TCHP: variants seen among roughly 807,000 people sequenced by gnomAD.
The protein encoded by TCHP is trichoplein keratin filament binding.
A neutral mutation model predicts 88.7 loss-of-function variants in TCHP; 81 were observed. The observed-to-expected ratio is 0.91, with a 90% CI of 0.76 to 1.10. The LOEUF is 1.10. Ranked by LOEUF, TCHP falls within the 50% of genes least tolerant of loss-of-function variation. TCHP has a pLI of 0.00. For missense variants in TCHP, 641 were observed against 632.1 expected, an observed-to-expected ratio of 1.01 and a Z score of -0.15; for synonymous variants, 232 against 232.5, an observed-to-expected ratio of 1.00 and a Z score of 0.02.
chr12:109,907,566 A>G lies in TCHP; in HGVS notation c.566A>G (p.Asn189Ser). 2 of 1,614,256 alleles carry G rather than the reference A, an allele frequency of 1.2e-6. No homozygotes were observed. The highest frequency in any genetic ancestry group is 8.5e-7 in the Non-Finnish European group (1 of 1,180,050). ...GAGCAAGAGAACAAACGGTATGAAA[A>G]TGAATATGAAAGGGCCCGAAGGGAG... ...TAEQENKRYE[N>S]EYERARREAL... The change falls in exon 6 of 13, where the codon AAT becomes AGT. Residue 189 changes from asparagine (N) to serine (S), a missense_variant. Coordinates refer to ENST00000405876, the MANE Select transcript of TCHP (RefSeq NM_001143852.2).
the TCHP span, among the ~76,000 whole-genome samples, chr12:109,895,079 T>A: frequency 6.6e-6 from 1 of 152,202 alleles, no homozygotes; most frequent in Non-Finnish European, 1.5e-5. Flanking sequence ...AAGGGTTGAC[T>A]GAGACCTGCT....
At chr12:109,908,060 G>A (rs1870248345) in intron 6 of TCHP, among the ~76,000 whole-genome samples, 1 of 152,212 alleles carries the variant, frequency 6.6e-6, no homozygotes, top group African/African-American at 2.4e-5. Context: ...CAGGTTTCGG[G>A]TCTCGAGGCA....
rs765673318 is a variant in TCHP at position 109,906,559 on chromosome 12, C to CT, written c.457-11dup. The CT allele has an allele frequency of 6.2e-7, 1 of 1,612,132 alleles. No individual in the cohort carries two copies. On this transcript the variant is annotated splice_polypyrimidine_tract_variant and intron_variant, in intron 4 of 12. Transcript: ENST00000405876. ...TGGTGAGGAAATTCACATCGTCCCCCTTCCATCCTCAGATGGAGCTGGACC... is the reference window on the plus strand; with the variant it reads ...TGGTGAGGAAATTCACATCGTCCCCCTTTCCATCCTCAGATGGAGCTGGACC...
intron 11 of TCHP, 55 bp from the exon 12 acceptor site, chr12:109,915,348 G>A (rs1260724053): frequency 3.1e-6 from 5 of 1,613,264 alleles, no homozygotes; most frequent in Non-Finnish European, 4.2e-6. Context: ...ATCAGAGGCA[G>A]GGCTCTGCCC....
the TCHP span, among the ~76,000 whole-genome samples, chr12:109,880,954 A>G: frequency 6.6e-6 from 1 of 152,146 alleles, no homozygotes; most frequent in African/African-American, 2.4e-5. This position sits in a 1 kb window ranked among gnomAD's most constrained non-coding sequence, Gnocchi z 5.1. Flanking sequence ...CTCTTTCGCT[A>G]CAACCGACGA....
In TCHP at chr12:109,911,235, G is replaced by A. The variant is rs1458679175; in HGVS notation, c.1052G>A (p.Arg351Lys). Residue 351 changes from arginine (R) to lysine (K), a missense_variant and splice_region_variant, in exon 9 of 13, where the codon AGG becomes AAG. Arg to Lys is a conservative substitution (Grantham distance 26). Coordinates refer to ENST00000405876, the MANE Select transcript of TCHP (RefSeq NM_001143852.2). Reference sequence around the variant, plus strand: ...GAGGCAGAGCTGCAGATGCTGCTGAGGTGAGTGGCAGCTGCTGACTGGGCT... The same window carrying A: ...GAGGCAGAGCTGCAGATGCTGCTGAAGTGAGTGGCAGCTGCTGACTGGGCT... ...AREAELQMLL[R>K]EEAKEMWEKR... The A allele has an allele frequency of 2.0e-6, 3 of 1,514,298 alleles. No individual in the cohort carries two copies. Among genetic ancestry groups the A allele is most frequent in the Non-Finnish European group, 1.8e-6 (2 of 1,114,892 alleles). 93.8% of individuals were successfully genotyped at this position (1,514,298 alleles called of 1,614,324 possible). A position where few individuals can be genotyped will look rare whatever the true frequency, so the allele number is the denominator to read the frequency against.
rs777107314 is a variant in TCHP at position 109,903,037 on chromosome 12, C to T, written c.11C>T (p.Pro4Leu). Residue 4 changes from proline (P) to leucine (L), a missense_variant, in exon 2 of 13, where the codon CCG becomes CTG. By Grantham distance (98) the Pro-to-Leu change is moderately conservative. Coordinates refer to ENST00000405876, the MANE Select transcript of TCHP (RefSeq NM_001143852.2). This position sits in a 1 kb window ranked among gnomAD's most constrained non-coding sequence, Gnocchi z 4.6. MAL[P>L]TLPSYWCSQQ... ...CATTCCTGTTCTCAGATGGCGCTCC[C>T]GACGCTGCCGTCCTACTGGTGCAGC... The T allele has an allele frequency of 2.4e-5, 39 of 1,598,452 alleles. 1 individual carries two copies. In the South Asian group the frequency reaches 2.8e-4, roughly 11 times the overall value.
At position 109,903,996 on chromosome 12, in the gene TCHP, G is replaced by A. The variant is rs1214656853; in HGVS notation, c.248G>A (p.Arg83Gln). 10 of 1,611,176 alleles carry A rather than the reference G, an allele frequency of 6.2e-6. No homozygotes were observed. The highest frequency in any genetic ancestry group is 2.2e-5 in the South Asian group (2 of 90,290). Residue 83 changes from arginine (R) to glutamine (Q), a missense_variant, in exon 3 of 13, where the codon CGA (arginine) becomes CAA (glutamine). Physicochemically the swap from Arg to Gln is conservative, Grantham distance 43. Transcript: ENST00000405876. The surrounding 1 kb of genome is among the most constrained non-coding windows in gnomAD (Gnocchi z 4.6). ...KEEKRRSLEA[R>Q]REKLRQLMQE... ...GAGAAGAGGAGGAGTCTGGAGGCCC[G>A]ACGGGAAAAGCTCAGGCAGCTCATG...
chr12:109,894,957 C>T, the TCHP span, among the ~76,000 whole-genome samples: 1 of 150,912 alleles, frequency 6.6e-6, no homozygotes, highest in Non-Finnish European at 1.5e-5. Context: ...GGGGGTGAGT[C>T]GAGTAGTTTG....
chr12:109,911,188 G>C lies in TCHP; in HGVS notation c.1005G>C (p.Gln335His). Residue 335 changes from glutamine to histidine, a missense_variant, in exon 9 of 13, where the codon CAG becomes CAC. By Grantham distance (24) the Gln-to-His change is conservative. Transcript: ENST00000405876. ...GGATGAAGCAGGCCATTGAGGAGCA[G>C]CTGCAGCTGGAGCGGGCGCGGGAGG... is the stretch of plus-strand genomic sequence containing the variant. ...VAWMKQAIEE[Q>H]LQLERAREAE... 1 of 1,590,498 alleles carries C rather than the reference G, an allele frequency of 6.3e-7. No individual in the cohort carries two copies.
At chr12:109,894,055 G>A in the TCHP span, among the ~76,000 whole-genome samples, 1 of 152,036 alleles carries the variant, frequency 6.6e-6, no homozygotes, top group East Asian at 1.9e-4. Flanking sequence ...ATGGTGGCAG[G>A]TGCCTATAAT....
Position 109,907,706 on chromosome 12 carries a change from A to C in TCHP, c.699+7A>C, listed in dbSNP as rs777830519. 3 of 1,585,408 alleles carry C rather than the reference A, an allele frequency of 1.9e-6. No homozygotes were observed. The highest frequency in any genetic ancestry group is 2.3e-5 in the South Asian group (2 of 88,834). On this transcript the variant is annotated splice_region_variant and intron_variant, in intron 6 of 12. Transcript: ENST00000405876. Reference sequence around the variant, plus strand: ...GAAGCTGAAGGAGGTGGAGGTGGGCACAAGCCCCTCTCAGCCGTGACCTCC... The same window carrying C: ...GAAGCTGAAGGAGGTGGAGGTGGGCCCAAGCCCCTCTCAGCCGTGACCTCC...
chr12:109,914,155 T>C, intron 10 of TCHP: 1 of 199,280 alleles, frequency 5.0e-6, no homozygotes, highest in Non-Finnish European at 1.0e-5. Flanking sequence ...GACAGCTCCA[T>C]CCCCATCTCC....
At chr12:109,902,111 G>T (rs1168567446) in intron 1 of TCHP, among the ~76,000 whole-genome samples, 1 of 152,210 alleles carries the variant, frequency 6.6e-6, no homozygotes, top group Non-Finnish European at 1.5e-5. Flanking sequence ...CAATCCCTGT[G>T]TCTGTCTGTT....
intron 10 of TCHP, 78 bp downstream of exon 10, chr12:109,913,150 C>A: frequency 7.5e-7 from 1 of 1,335,218 alleles, no homozygotes; most frequent in Non-Finnish European, 1.1e-6. Context: ...AGTCACCCTG[C>A]CAGATGCTCT....
At chr12:109,913,206 A>C (rs1247629524) in intron 10 of TCHP, 134 bp downstream of exon 10, 5 of 758,804 alleles carry the variant, frequency 6.6e-6, no homozygotes, top group Non-Finnish European at 1.1e-5. Context: ...TTTAAAAATC[A>C]TTGAAAAAGT....
At chr12:109,893,424 A>G in the TCHP span, among the ~76,000 whole-genome samples, 1 of 151,566 alleles carries the variant, frequency 6.6e-6, no homozygotes, top group Non-Finnish European at 1.5e-5. Flanking sequence ...CCAGCAGGGC[A>G]TCTTGTCACC....
chr12:109,895,204 A>C, the TCHP span, among the ~76,000 whole-genome samples: 1 of 142,712 alleles, frequency 7.0e-6, no homozygotes, highest in Non-Finnish European at 1.5e-5. Flanking sequence ...TTCAAGAATT[A>C]CTTTTTTTTT....
chr12:109,916,728 T>C lies in TCHP; in HGVS notation c.*105T>C, dbSNP rs1870839871. ...TGTTAACAGTAAGTGCCCGGGGCACTGTCAGATGGCTCAGCAGTGCCTGCT... is the reference window on the plus strand; with the variant it reads ...TGTTAACAGTAAGTGCCCGGGGCACCGTCAGATGGCTCAGCAGTGCCTGCT... On this transcript the variant is annotated 3_prime_UTR_variant, in exon 13 of 13. Transcript: ENST00000405876. The C allele has an allele frequency of 1.8e-6, 2 of 1,097,476 alleles. No homozygotes were observed. Among genetic ancestry groups the C allele is most frequent in the East Asian group, 4.9e-5 (2 of 41,034 alleles). 68.0% of individuals were successfully genotyped at this position (1,097,476 alleles called of 1,614,324 possible). A position where few individuals can be genotyped will look rare whatever the true frequency, so the allele number is the denominator to read the frequency against.
Sources: allele counts gnomAD v4.1 joint callset (sites outside exome capture counted in the v4.1 genomes callset), GRCh38; gene constraint gnomAD v4.1.1; non-coding constraint Gnocchi (gnomAD v3.1); transcripts MANE v1.5; gene names NCBI Gene and HGNC (gene_info 2026-07-23, HGNC 2026-07-21).